NFIB: variants seen among roughly 807,000 people sequenced by gnomAD.
NFIB encodes nuclear factor 1 B-type.
A neutral mutation model predicts 61.5 loss-of-function variants in NFIB; 11 were observed. The ratio of observed to expected loss-of-function variants is 0.18; its 90% CI spans 0.11 to 0.30. NFIB has a LOEUF of 0.30. NFIB is among the 10% of genes least tolerant of loss of function. NFIB has a pLI of 1.00. For missense variants in NFIB, 471 were observed against 608.9 expected (o/e 0.77, Z 2.38); for synonymous variants, 260 against 216.5 (o/e 1.20, Z -1.76).
intron 1 of NFIB, among the ~76,000 whole-genome samples, chr9:14,341,230 G>A (rs1294675266): frequency 6.6e-6 from 1 of 152,162 alleles, no homozygotes; most frequent in Non-Finnish European, 1.5e-5. Context: ...AGCACTCACA[G>A]CTGTCAGAAC....
intron 6 of NFIB, among the ~76,000 whole-genome samples, chr9:14,144,328 C>G (rs903436036): frequency 6.6e-6 from 1 of 152,158 alleles, no homozygotes; most frequent in Non-Finnish European, 1.5e-5. Context: ...CCCACACATT[C>G]ACAAGGTTAT....
chr9:14,383,870 T>C (rs1465215270), intron 1 of NFIB, among the ~76,000 whole-genome samples: 1 of 152,248 alleles, frequency 6.6e-6, no homozygotes, highest in African/African-American at 2.4e-5. Flanking sequence ...TCTTGGCAAC[T>C]GCCTCTTGGG....
intron 2 of NFIB, among the ~76,000 whole-genome samples, chr9:14,193,971 C>G (rs529212449): frequency 5.3e-5 from 8 of 152,066 alleles, no homozygotes; most frequent in Non-Finnish European, 7.4e-5. Flanking sequence ...ATTTTGAACC[C>G]CCACCCCCAA....
At chr9:14,511,571 G>A in the NFIB span, among the ~76,000 whole-genome samples, 1 of 152,092 alleles carries the variant, frequency 6.6e-6, no homozygotes, top group Non-Finnish European at 1.5e-5. Context: ...CAAGAAAACT[G>A]AAACTCAGAG....
chr9:14,315,138 C>CG (rs2060481257), upstream of NFIB, among the ~76,000 whole-genome samples: 1 of 151,922 alleles, frequency 6.6e-6, no homozygotes. Context: ...TGGGGCGCGC[C>CG]GGCGTGGACC....
chr9:14,299,422 C>G (rs2059629625), intron 2 of NFIB, among the ~76,000 whole-genome samples: 1 of 152,160 alleles, frequency 6.6e-6, no homozygotes, highest in Non-Finnish European at 1.5e-5. Context: ...ATTAAGTTGA[C>G]TATTTTGAGA....
chr9:14,305,925 G>A, intron 2 of NFIB: 2 of 1,258,368 alleles, frequency 1.6e-6, no homozygotes, highest in Non-Finnish European at 1.0e-6. Flanking sequence ...CTTTTGGTAT[G>A]CGGCTTTGTA....
intron 10 of NFIB, among the ~76,000 whole-genome samples, chr9:14,089,889 C>T (rs1055985820): frequency 6.6e-6 from 1 of 152,104 alleles, no homozygotes; most frequent in Non-Finnish European, 1.5e-5. Flanking sequence ...CTTGTTGCTA[C>T]ACATACATAT....
chr9:14,216,346 T>C (rs2050856078), intron 2 of NFIB, among the ~76,000 whole-genome samples: 1 of 152,154 alleles, frequency 6.6e-6, no homozygotes, highest in South Asian at 2.1e-4. Flanking sequence ...GTTTTTCAAG[T>C]CACTTTACTG....
intron 2 of NFIB, among the ~76,000 whole-genome samples, chr9:14,233,902 C>T (rs891668167): frequency 4.6e-5 from 7 of 152,210 alleles, no homozygotes; most frequent in African/African-American, 1.7e-4. Context: ...TCACCATCAG[C>T]ACTCATTCCA....
chr9:14,448,110 C>T, the NFIB span, among the ~76,000 whole-genome samples: 1 of 152,106 alleles, frequency 6.6e-6, no homozygotes, highest in Non-Finnish European at 1.5e-5. Flanking sequence ...GAAAAAGTCT[C>T]GTTCTTTGCA....
chr9:14,454,383 A>T, the NFIB span, among the ~76,000 whole-genome samples: 1 of 152,232 alleles, frequency 6.6e-6, no homozygotes, highest in Non-Finnish European at 1.5e-5. Flanking sequence ...GGTCAAATTA[A>T]TACATCCAAA....
intron 1 of NFIB, among the ~76,000 whole-genome samples, chr9:14,330,121 C>T (rs1045713549): frequency 1.2e-4 from 18 of 151,842 alleles, no homozygotes; most frequent in African/African-American, 3.6e-4. Context: ...AGAGAGACTC[C>T]GTCTCAAAAA....
chr9:14,297,161 G>C (rs1318239571), intron 2 of NFIB, among the ~76,000 whole-genome samples: 5 of 152,168 alleles, frequency 3.3e-5, no homozygotes, highest in Non-Finnish European at 7.3e-5. Flanking sequence ...GAAAACTAAA[G>C]AGATTTTTAA....
intron 2 of NFIB, among the ~76,000 whole-genome samples, chr9:14,209,699 C>A (rs1053827983): frequency 6.6e-6 from 1 of 152,156 alleles, no homozygotes; most frequent in Non-Finnish European, 1.5e-5. Flanking sequence ...CTACCACAAC[C>A]CAAGCCCAGA....
chr9:14,276,421 A>T (rs1381367951), intron 2 of NFIB, among the ~76,000 whole-genome samples: 2 of 152,322 alleles, frequency 1.3e-5, no homozygotes, highest in African/African-American at 4.8e-5. Flanking sequence ...CATTAACATA[A>T]TCTACATAGA....
chr9:14,216,532 CTCTCTCTCTCCCTCTGTGTG>C lies in NFIB; in HGVS notation c.563-36772_563-36753del, dbSNP rs1360172703. On this transcript the variant is annotated intron_variant, in intron 2 of 10. Coordinates refer to ENST00000380953, the MANE Select transcript of NFIB (RefSeq NM_001190737.2). Reference sequence around the variant, plus strand: ...TCTCTCTCTCTCTCTCTCTCTCTCTCTCTCTCTCTCCCTCTGTGTGTGTGTGTGTGTGTGTGTGTGTGTGT... The same window carrying C: ...TCTCTCTCTCTCTCTCTCTCTCTCTCTGTGTGTGTGTGTGTGTGTGTGTGT... 3.5e-3 allele frequency among the ~76,000 whole-genome samples: 136 copies of C among 38,838 alleles called. 1 individual carries two copies. Among genetic ancestry groups the C allele is most frequent in the African/African-American group, 0.016 (124 of 7,782 alleles). 25.5% of individuals were successfully genotyped at this position (38,838 alleles called of 152,430 possible).
Position 14,113,107 on chromosome 9 carries a change from G to A in NFIB, c.1385-26C>T, listed in dbSNP as rs565556176. ...CTGATTAAGGAAGAACAAAAACAAA[G>A]ATAAAAATTGTGAACTATCAGAACG... On this transcript the variant is annotated intron_variant, in intron 9 of 10. Coordinates refer to ENST00000380953, the MANE Select transcript of NFIB (RefSeq NM_001190737.2). 30 of 1,542,232 alleles carry A rather than the reference G, an allele frequency of 1.9e-5. No homozygotes were observed. In the South Asian group the frequency reaches 3.5e-4, roughly 18 times the overall value.
intron 3 of NFIB, among the ~76,000 whole-genome samples, chr9:14,178,432 A>T (rs1442016061): frequency 6.6e-6 from 1 of 152,114 alleles, no homozygotes. Flanking sequence ...TTCTGTTTTT[A>T]ATGTTTTGCT....
Sources: gnomAD v4.1 joint callset for allele counts (sites outside exome capture counted in the v4.1 genomes callset) on GRCh38, gnomAD v4.1.1 for gene constraint, MANE v1.5 for transcripts, NCBI Gene and HGNC (gene_info 2026-07-23, HGNC 2026-07-21) for gene names.